The following MSRB3 variants were observed in gnomAD, a reference collection of about 807,000 sequenced individuals.
The protein encoded by MSRB3 is methionine-R-sulfoxide reductase B3.
MSRB3 carries 13 observed loss-of-function variants against 21.0 expected under a neutral mutation model. The observed-to-expected ratio is 0.62, with a 90% confidence interval of 0.40 to 0.98. The LOEUF is 0.98. MSRB3 is among the 50% of genes least tolerant of loss of function. MSRB3 has a pLI of 0.00. For missense variants in MSRB3, 199 were observed against 230.3 expected, an observed-to-expected ratio of 0.86 and a Z score of 0.88; for synonymous variants, 87 against 88.6, an observed-to-expected ratio of 0.98 and a Z score of 0.10.
intron 6 of MSRB3, among the ~76,000 whole-genome samples, chr12:65,457,453 G>A (rs1883142012): frequency 6.6e-6 from 1 of 152,052 alleles, no homozygotes; most frequent in Non-Finnish European, 1.5e-5. Flanking sequence ...TCCCACTTAT[G>A]AGTGAGAACA....
chr12:65,348,490 A>G (rs977227421), intron 4 of MSRB3, among the ~76,000 whole-genome samples: 2 of 151,870 alleles, frequency 1.3e-5, no homozygotes, highest in African/African-American at 4.8e-5. Context: ...CTTCTTTATT[A>G]GTCTTGCTAG....
In MSRB3 at chr12:65,301,502, A is replaced by G. The variant is rs867608756; in HGVS notation, c.-51-7027A>G. ...CTTTTCTGATGAAATCAGTGATGAT[A>G]TTAATGAGTATGGTTTTTTGATACC... On this transcript the variant is annotated intron_variant, in intron 1 of 6. Coordinates refer to ENST00000308259, the MANE Select transcript of MSRB3 (RefSeq NM_001031679.3). 7.9e-5 allele frequency among the ~76,000 whole-genome samples: 12 copies of G among 152,324 alleles called. No individual in the cohort carries two copies. In the South Asian group the frequency reaches 2.5e-3, roughly 32 times the overall value.
At chr12:65,340,518 G>A (rs1230109505) in intron 4 of MSRB3, among the ~76,000 whole-genome samples, 1 of 151,924 alleles carries the variant, frequency 6.6e-6, no homozygotes, top group Non-Finnish European at 1.5e-5. Context: ...ATCTGAAACA[G>A]GATGAATAAC....
At chr12:65,361,440 T>A (rs568788584) in intron 4 of MSRB3, among the ~76,000 whole-genome samples, 1 of 152,264 alleles carries the variant, frequency 6.6e-6, no homozygotes, top group African/African-American at 2.4e-5. Flanking sequence ...AATAGACCTA[T>A]TTGCTTACGA....
At chr12:65,314,098 A>G (rs1052748885) in intron 2 of MSRB3, among the ~76,000 whole-genome samples, 4 of 152,148 alleles carry the variant, frequency 2.6e-5, no homozygotes, top group Non-Finnish European at 1.5e-5. Context: ...TCCATTTTCA[A>G]TAAGATTCTG....
At chr12:65,454,447 C>T (rs1300238452) in intron 6 of MSRB3, among the ~76,000 whole-genome samples, 1 of 152,080 alleles carries the variant, frequency 6.6e-6, no homozygotes, top group Non-Finnish European at 1.5e-5. Context: ...ATGAAGATTT[C>T]ATTATGTGGC....
intron 4 of MSRB3, among the ~76,000 whole-genome samples, chr12:65,346,939 G>A (rs190278699): frequency 3.7e-4 from 57 of 152,142 alleles, no homozygotes; most frequent in African/African-American, 1.0e-3. Flanking sequence ...TGTTCCATTG[G>A]TCTATATCTC....
intron 5 of MSRB3, among the ~76,000 whole-genome samples, chr12:65,387,332 C>G (rs946491329): frequency 1.3e-5 from 2 of 151,754 alleles, no homozygotes; most frequent in African/African-American, 4.8e-5. Flanking sequence ...TTTTTTTTCC[C>G]CCTTGGACAC....
chr12:65,384,816 G>C (rs1196486108), intron 5 of MSRB3, among the ~76,000 whole-genome samples: 1 of 152,136 alleles, frequency 6.6e-6, no homozygotes, highest in Non-Finnish European at 1.5e-5. Context: ...TAACACTTCA[G>C]TCAGTGTGTA....
At chr12:65,431,568 A>T (rs1592632147) in intron 5 of MSRB3, among the ~76,000 whole-genome samples, 1 of 152,090 alleles carries the variant, frequency 6.6e-6, no homozygotes, top group Admixed American at 6.6e-5. Context: ...AAATGTCTTC[A>T]GATATCCTTT....
chr12:65,359,902 C>G (rs1592563054), intron 4 of MSRB3, among the ~76,000 whole-genome samples: 1 of 152,012 alleles, frequency 6.6e-6, no homozygotes, highest in Non-Finnish European at 1.5e-5. Context: ...ATGAGTTTGC[C>G]AGGACTGCCA....
intron 1 of MSRB3, among the ~76,000 whole-genome samples, chr12:65,299,937 C>T (rs991919341): frequency 6.6e-5 from 10 of 152,176 alleles, no homozygotes; most frequent in Non-Finnish European, 1.5e-5. Flanking sequence ...TTCCAGGTCA[C>T]AATGTGAGCT....
At chr12:65,374,832 A>G (rs574799018) in intron 5 of MSRB3, among the ~76,000 whole-genome samples, 2 of 152,246 alleles carry the variant, frequency 1.3e-5, no homozygotes, top group South Asian at 4.1e-4. Flanking sequence ...AAATCAGGCA[A>G]CCTTCTCTAT....
intron 5 of MSRB3, among the ~76,000 whole-genome samples, chr12:65,453,198 T>C (rs1314741901): frequency 6.6e-6 from 1 of 152,134 alleles, no homozygotes; most frequent in Non-Finnish European, 1.5e-5. Flanking sequence ...CAGATAACCC[T>C]TTTTCCAGGA....
intron 5 of MSRB3, among the ~76,000 whole-genome samples, chr12:65,394,698 A>G (rs2136586539): frequency 6.6e-6 from 1 of 152,358 alleles, no homozygotes; most frequent in East Asian, 1.9e-4. Context: ...TTAACAAAAT[A>G]CTAGCAAACC....
chr12:65,310,032 T>G (rs2136425232), intron 2 of MSRB3, among the ~76,000 whole-genome samples: 1 of 152,234 alleles, frequency 6.6e-6, no homozygotes, highest in Admixed American at 6.5e-5. Context: ...TCAGTGCTGG[T>G]TTTTCAGATG....
chr12:65,317,517 G>A (rs776628657), intron 2 of MSRB3, among the ~76,000 whole-genome samples: 11 of 152,144 alleles, frequency 7.2e-5, no homozygotes, highest in Middle Eastern at 3.2e-3. Flanking sequence ...TTTGACAGTG[G>A]AACCTTTCCC....
chr12:65,323,243 C>T (rs1275017349), intron 2 of MSRB3, among the ~76,000 whole-genome samples: 1 of 152,184 alleles, frequency 6.6e-6, no homozygotes, highest in East Asian at 1.9e-4. Flanking sequence ...TTTATTTGTA[C>T]TAATAGCAAG....
chr12:65,285,565 T>A (rs1238570614), intron 1 of MSRB3: 2 of 152,344 alleles, frequency 1.3e-5, no homozygotes, highest in African/African-American at 4.8e-5. Context: ...CTGGGTTTGG[T>A]GGCTCATACC....
Sources: gnomAD v4.1 joint callset for allele counts (sites outside exome capture counted in the v4.1 genomes callset) on GRCh38, gnomAD v4.1.1 for gene constraint, MANE v1.5 for transcripts, NCBI Gene and HGNC (gene_info 2026-07-23, HGNC 2026-07-21) for gene names.